Variants in CDC73 observed in about 807,000 individuals in gnomAD.
CDC73 encodes the protein parafibromin.
Under a neutral mutation model 83.7 loss-of-function variants are expected in CDC73, and 21 were observed. The ratio of observed to expected loss-of-function variants is 0.25; its 90% CI spans 0.18 to 0.36. The LOEUF (loss-of-function observed/expected upper bound fraction) is 0.36. Among genes scored for constraint, CDC73 ranks in the 10% least tolerant of loss-of-function variants. The probability of loss-of-function intolerance (pLI) is 1.00; values close to 1 mark genes in which losing one functional copy is unlikely to be tolerated. For missense variants in CDC73, 342 were observed against 653.3 expected (o/e 0.52, Z 5.19); for synonymous variants, 224 against 212.9 (o/e 1.05, Z -0.45).
intron 7 of CDC73, among the ~76,000 whole-genome samples, chr1:193,147,228 A>G (rs968040670): frequency 4.6e-5 from 7 of 151,546 alleles, no homozygotes; most frequent in Admixed American, 2.6e-4. Flanking sequence ...TCCTGACCTC[A>G]TGATCCACCT....
Position 193,192,031 on chromosome 1 carries a change from T to G in CDC73, c.973-11764T>G, listed in dbSNP as rs74229758. ...AACAATTTGTAAATTCAAGTATATG[T>G]AAAATATCGAAACTTAAAATTCTAC... is the stretch of plus-strand genomic sequence containing the variant. On this transcript the variant is annotated intron_variant, in intron 10 of 16. Transcript: ENST00000367435. Among the ~76,000 whole-genome samples the G allele has an allele frequency of 2.2e-4, 34 of 152,324 alleles. No individual in the cohort carries two copies. The East Asian group carries it at 3.3e-3, about 15-fold the overall frequency.
chr1:193,169,271 A>G lies in CDC73; in HGVS notation c.972+16827A>G, dbSNP rs1452832153. Reference sequence around the variant, plus strand: ...TAAATTTGTGAGAATGATGCTGGGTATGGTGGCTCACACCTGTAATCCTAG... The same window carrying G: ...TAAATTTGTGAGAATGATGCTGGGTGTGGTGGCTCACACCTGTAATCCTAG... On this transcript the variant is annotated intron_variant, in intron 10 of 16. Transcript: ENST00000367435. Among the ~76,000 whole-genome samples the G allele has an allele frequency of 3.3e-5, 5 of 152,216 alleles. No homozygotes were observed. In the East Asian group the frequency reaches 9.6e-4, roughly 29 times the overall value.
chr1:193,169,234 G>C (rs1472201662), intron 10 of CDC73, among the ~76,000 whole-genome samples: 1 of 152,162 alleles, frequency 6.6e-6, no homozygotes, highest in East Asian at 1.9e-4. Context: ...GTAAAAATAT[G>C]AACTTTAACA....
At chr1:193,127,675 G>C (rs1675603028) in intron 2 of CDC73, among the ~76,000 whole-genome samples, 1 of 152,006 alleles carries the variant, frequency 6.6e-6, no homozygotes, top group Non-Finnish European at 1.5e-5. Context: ...TGGGACCCTT[G>C]GTTGCATAAG....
intron 13 of CDC73, among the ~76,000 whole-genome samples, chr1:193,213,282 A>C (rs939730954): frequency 2.0e-4 from 30 of 152,288 alleles, no homozygotes; most frequent in African/African-American, 7.2e-4. Flanking sequence ...GACATTAACA[A>C]GGTTTAAAAT....
Position 193,147,943 on chromosome 1 carries a change from C to G in CDC73, c.806C>G (p.Pro269Arg), listed in dbSNP as rs370333081. The G allele has an allele frequency of 1.9e-6, 3 of 1,612,616 alleles. No homozygotes were observed. Among genetic ancestry groups the G allele is most frequent in the Non-Finnish European group, 2.5e-6 (3 of 1,178,756 alleles). The part of the protein sequence containing the change: ...REEGRAPEQR[P>R]APNAAPVDPT... ...GAAGGGCGTGCACCTGAACAGCGAC[C>G]TGCCCCAAATGCAGCACCTGTGGTA... Residue 269 changes from proline to arginine, a missense_variant, in exon 8 of 17, where the codon CCT becomes CGT. Physicochemically the swap from Pro to Arg is moderately radical, Grantham distance 103. This residue lies in a region of CDC73 where 239 missense variants were observed against 420.6 expected (regional missense o/e 0.57). Coordinates refer to ENST00000367435, the MANE Select transcript of CDC73 (RefSeq NM_024529.5).
intron 13 of CDC73, among the ~76,000 whole-genome samples, chr1:193,222,591 G>T (rs1285232282): frequency 6.6e-6 from 1 of 152,114 alleles, no homozygotes; most frequent in Non-Finnish European, 1.5e-5. Flanking sequence ...AGGGAAATCT[G>T]TTCCGTGTGG....
intron 6 of CDC73, 123 bp downstream of exon 6, chr1:193,138,296 C>A: frequency 1.4e-6 from 1 of 740,618 alleles, no homozygotes; most frequent in Admixed American, 1.9e-5. Context: ...TGCCTCTTTG[C>A]TCTTAAGTTC....
intron 2 of CDC73, among the ~76,000 whole-genome samples, chr1:193,126,923 G>A (rs532701293): frequency 6.4e-4 from 97 of 152,170 alleles, no homozygotes; most frequent in African/African-American, 2.3e-3. Flanking sequence ...ACTAGAAATA[G>A]TTAAGGTTTC....
intron 10 of CDC73, among the ~76,000 whole-genome samples, chr1:193,169,962 C>T (rs531190119): frequency 1.4e-4 from 21 of 152,178 alleles, no homozygotes; most frequent in Non-Finnish European, 2.8e-4. Context: ...CTCCACCCTC[C>T]GACAGGCCCC....
intron 10 of CDC73, among the ~76,000 whole-genome samples, chr1:193,168,817 G>C (rs553615148): frequency 6.6e-6 from 1 of 152,284 alleles, no homozygotes; most frequent in South Asian, 2.1e-4. Context: ...GAGCCACAGC[G>C]TCTGGCTGAC....
chr1:193,241,611 C>G (rs1230452724), intron 15 of CDC73, among the ~76,000 whole-genome samples: 6 of 152,202 alleles, frequency 3.9e-5, no homozygotes, highest in Admixed American at 3.9e-4. Context: ...CTTTGATGGG[C>G]TGGACAGGAC....
intron 15 of CDC73, among the ~76,000 whole-genome samples, chr1:193,240,545 T>C (rs1321451127): frequency 6.6e-6 from 1 of 152,224 alleles, no homozygotes; most frequent in Non-Finnish European, 1.5e-5. Flanking sequence ...GTAATAACCC[T>C]TCTAATTGGG....
intron 10 of CDC73, among the ~76,000 whole-genome samples, chr1:193,193,779 T>C (rs1297233700): frequency 9.5e-6 from 1 of 104,994 alleles, no homozygotes; most frequent in Admixed American, 1.1e-4. Flanking sequence ...GTCTTACTTG[T>C]AGTGTGTGTG....
intron 15 of CDC73, among the ~76,000 whole-genome samples, chr1:193,247,984 G>A (rs1435156633): frequency 6.6e-6 from 1 of 152,126 alleles, no homozygotes; most frequent in Non-Finnish European, 1.5e-5. Context: ...TATTGATGAA[G>A]TTGACTACAC....
chr1:193,220,354 G>A (rs1392845960), intron 13 of CDC73, among the ~76,000 whole-genome samples: 1 of 151,710 alleles, frequency 6.6e-6, no homozygotes, highest in Non-Finnish European at 1.5e-5. Context: ...AGTAGAGACG[G>A]GGTTTCACCA....
chr1:193,199,687 G>A (rs1289170939), intron 10 of CDC73, among the ~76,000 whole-genome samples: 2 of 150,348 alleles, frequency 1.3e-5, no homozygotes, highest in Non-Finnish European at 3.0e-5. Flanking sequence ...CTCCAGCCTG[G>A]GTGACAGAGC....
intron 3 of CDC73, among the ~76,000 whole-genome samples, chr1:193,133,372 A>G (rs1675729444): frequency 6.6e-6 from 1 of 152,234 alleles, no homozygotes; most frequent in Non-Finnish European, 1.5e-5. Context: ...GGTCTCAATA[A>G]GAATCTCTAG....
In CDC73 at chr1:193,135,398, G is replaced by A. The variant is rs771258964; in HGVS notation, c.315G>A (p.Ser105=). 9.9e-6 allele frequency: 16 copies of A among 1,612,324 alleles called. 1 individual carries two copies. Among genetic ancestry groups the A allele is most frequent in the South Asian group, 7.7e-5 (7 of 91,026 alleles). ...ATCTTTTTATGTCTTCAGCAACATC[G>A]GCAAGTATAGACAGAAGCGCTCCCT... ...LGYLNGEAST[S]ASIDRSAPLE... Residue 105 remains serine (S), a synonymous_variant, in exon 4 of 17, where the codon TCG becomes TCA. Transcript: ENST00000367435.
Sources: allele counts gnomAD v4.1 joint callset (sites outside exome capture counted in the v4.1 genomes callset), GRCh38; gene constraint gnomAD v4.1.1; regional missense constraint gnomAD v4.1.1; transcripts MANE v1.5; gene names NCBI Gene and HGNC (gene_info 2026-07-23, HGNC 2026-07-21).